Variants in SH3BGRL2 observed in about 807,000 individuals in gnomAD.
The protein encoded by SH3BGRL2 is SH3 domain-binding glutamic acid-rich-like protein 2.
Under a neutral mutation model 14.8 loss-of-function variants are expected in SH3BGRL2, and 21 were observed. That is an observed-to-expected ratio of 1.42 (90% CI 1.01 to 2.05). The LOEUF (loss-of-function observed/expected upper bound fraction) is 2.05. Ranked by LOEUF, SH3BGRL2 falls within the 30% of genes most tolerant of loss-of-function variation. SH3BGRL2 has a pLI of 0.00. For missense variants in SH3BGRL2, 147 were observed against 130.8 expected, an observed-to-expected ratio of 1.12 and a Z score of -0.61; for synonymous variants, 50 against 47.8, an observed-to-expected ratio of 1.05 and a Z score of -0.19.
Position 79,631,458 on chromosome 6 carries a change from G to A in SH3BGRL2, c.-4G>A. ...AAGGGGTCTGTCCCGGGCGCAGCGA[G>A]AGGATGGTCATCCGCGTGTTCATCG... is the stretch of plus-strand genomic sequence containing the variant. On this transcript the variant is annotated 5_prime_UTR_variant, in exon 1 of 4. Coordinates refer to ENST00000369838, the MANE Select transcript of SH3BGRL2 (RefSeq NM_031469.4). 1 of 1,519,744 alleles carries A rather than the reference G, an allele frequency of 6.6e-7. No individual in the cohort carries two copies. Among genetic ancestry groups the A allele is most frequent in the Non-Finnish European group, 8.8e-7 (1 of 1,133,022 alleles). 94.1% of individuals were successfully genotyped at this position (1,519,744 alleles called of 1,614,324 possible). A position where few individuals can be genotyped will look rare whatever the true frequency, so the allele number is the denominator to read the frequency against.
the SH3BGRL2 span, among the ~76,000 whole-genome samples, chr6:79,568,490 A>C: frequency 3.9e-5 from 6 of 152,198 alleles, no homozygotes; most frequent in Non-Finnish European, 8.8e-5. Context: ...TATAGATTGC[A>C]GTTTCATGTA....
chr6:79,552,555 G>C, the SH3BGRL2 span, among the ~76,000 whole-genome samples: 1 of 152,128 alleles, frequency 6.6e-6, no homozygotes, highest in Admixed American at 6.5e-5. Context: ...CACAAAAGAG[G>C]GAGGGTATAA....
chr6:79,614,727 C>T, the SH3BGRL2 span, among the ~76,000 whole-genome samples: 5 of 152,144 alleles, frequency 3.3e-5, no homozygotes, highest in Non-Finnish European at 2.9e-5. Flanking sequence ...CAAGCTGAGA[C>T]AAACCCTGAG....
chr6:79,588,731 A>G, the SH3BGRL2 span, among the ~76,000 whole-genome samples: 2 of 151,760 alleles, frequency 1.3e-5, no homozygotes, highest in African/African-American at 4.8e-5. Flanking sequence ...ACAACAATTA[A>G]TAAAGTGACT....
upstream of SH3BGRL2, among the ~76,000 whole-genome samples, chr6:79,627,188 C>A (rs1478030382): frequency 1.3e-5 from 2 of 152,190 alleles, no homozygotes; most frequent in East Asian, 3.9e-4. Context: ...TACCATCCCC[C>A]TTTATTCTAT....
At chr6:79,574,042 C>T in the SH3BGRL2 span, 2 of 152,050 alleles carry the variant, frequency 1.3e-5, no homozygotes, top group East Asian at 3.9e-4. Flanking sequence ...TCCTGAGCCC[C>T]TTATAGTTCT....
chr6:79,567,272 G>A, the SH3BGRL2 span, among the ~76,000 whole-genome samples: 2 of 152,044 alleles, frequency 1.3e-5, no homozygotes, highest in African/African-American at 2.4e-5. Flanking sequence ...AATCATTTTT[G>A]TGGAATCTGA....
chr6:79,555,746 G>T, the SH3BGRL2 span, among the ~76,000 whole-genome samples: 3 of 152,062 alleles, frequency 2.0e-5, no homozygotes, highest in Non-Finnish European at 2.9e-5. Context: ...CTGACCTCAT[G>T]ATCTGCCCGC....
chr6:79,613,202 A>G, the SH3BGRL2 span, among the ~76,000 whole-genome samples: 31 of 152,336 alleles, frequency 2.0e-4, no homozygotes, highest in African/African-American at 7.5e-4. Flanking sequence ...ATCAGAAATG[A>G]AAAGAATCTG....
the SH3BGRL2 span, among the ~76,000 whole-genome samples, chr6:79,587,399 T>C: frequency 6.6e-6 from 1 of 152,100 alleles, no homozygotes; most frequent in Non-Finnish European, 1.5e-5. Context: ...TGAGTTCTGG[T>C]ATCCCCAAGA....
the SH3BGRL2 span, among the ~76,000 whole-genome samples, chr6:79,579,135 A>G: frequency 6.6e-6 from 1 of 152,238 alleles, no homozygotes; most frequent in Non-Finnish European, 1.5e-5. Context: ...GCCTCCAAGA[A>G]ATATGGGACT....
chr6:79,600,058 A>G, the SH3BGRL2 span, among the ~76,000 whole-genome samples: 1 of 152,108 alleles, frequency 6.6e-6, no homozygotes, highest in Non-Finnish European at 1.5e-5. Context: ...TTTTGCACCC[A>G]TCTTATCACC....
At chr6:79,563,229 G>A in the SH3BGRL2 span, among the ~76,000 whole-genome samples, 3 of 150,682 alleles carry the variant, frequency 2.0e-5, no homozygotes, top group South Asian at 2.1e-4. Context: ...CACCCGCCTC[G>A]GCCTCCCAAA....
the SH3BGRL2 span, among the ~76,000 whole-genome samples, chr6:79,606,148 C>A: frequency 6.6e-6 from 1 of 151,960 alleles, no homozygotes; most frequent in East Asian, 1.9e-4. Context: ...GGAAGCACTC[C>A]CAAGCCACCT....
the SH3BGRL2 span, among the ~76,000 whole-genome samples, chr6:79,584,943 T>C: frequency 6.6e-6 from 1 of 152,060 alleles, no homozygotes; most frequent in Non-Finnish European, 1.5e-5. Flanking sequence ...TTTCATCGAA[T>C]CTAAAACACC....
chr6:79,638,374 T>C (rs1325578083), intron 1 of SH3BGRL2, among the ~76,000 whole-genome samples: 3 of 152,240 alleles, frequency 2.0e-5, no homozygotes, highest in Non-Finnish European at 2.9e-5. Context: ...ATGGATTCCA[T>C]GTCTTGGCTA....
At chr6:79,674,384 A>G (rs987778516) in intron 2 of SH3BGRL2, among the ~76,000 whole-genome samples, 1 of 152,214 alleles carries the variant, frequency 6.6e-6, no homozygotes, top group African/African-American at 2.4e-5. Flanking sequence ...TGCATGTAGC[A>G]TACGAGAAGA....
At chr6:79,627,415 C>T (rs2127720347), upstream of SH3BGRL2, among the ~76,000 whole-genome samples, 1 of 152,246 alleles carries the variant, frequency 6.6e-6, no homozygotes, top group East Asian at 1.9e-4. Context: ...GGTTGACAGG[C>T]ACCGTATGGC....
the SH3BGRL2 span, among the ~76,000 whole-genome samples, chr6:79,623,414 A>G: frequency 3.3e-5 from 5 of 152,166 alleles, no homozygotes; most frequent in Non-Finnish European, 4.4e-5. Flanking sequence ...CCTGGGTTGG[A>G]TAAGGGCTTC....
Sources: allele counts gnomAD v4.1 joint callset (sites outside exome capture counted in the v4.1 genomes callset), GRCh38; gene constraint gnomAD v4.1.1; transcripts MANE v1.5; gene names NCBI Gene and HGNC (gene_info 2026-07-23, HGNC 2026-07-21).